TNFRSF14: variants seen among roughly 807,000 people sequenced by gnomAD.
TNFRSF14 encodes tumor necrosis factor receptor superfamily member 14.
TNFRSF14 carries 18 observed loss-of-function variants against 34.1 expected under a neutral mutation model. The ratio of observed to expected loss-of-function variants is 0.53; its 90% CI spans 0.36 to 0.78. The LOEUF (loss-of-function observed/expected upper bound fraction) is 0.78, where lower values mean the gene tolerates loss of function less well. Among genes scored for constraint, TNFRSF14 ranks in the 30% least tolerant of loss-of-function variants. TNFRSF14 has a pLI of 0.00. For missense variants in TNFRSF14, 352 were observed against 379.5 expected, an observed-to-expected ratio of 0.93 and a Z score of 0.60; for synonymous variants, 157 against 153.2, an observed-to-expected ratio of 1.02 and a Z score of -0.18.
chr1:2,560,578 C>A, intron 4 of TNFRSF14, 46 bp from the exon 5 acceptor site: 1 of 1,509,198 alleles, frequency 6.6e-7, no homozygotes, highest in Non-Finnish European at 9.1e-7. Flanking sequence ...CAGCCCCCTC[C>A]TGGCCTGGTG....
At chr1:2,560,558 C>T in intron 4 of TNFRSF14, 66 bp from the exon 5 acceptor site, 3 of 1,273,274 alleles carry the variant, frequency 2.4e-6, no homozygotes, top group East Asian at 2.3e-5. Context: ...GACAAGCAGT[C>T]CCTAGCCGCC....
intron 6 of TNFRSF14, chr1:2,562,349 C>G (rs921363954): frequency 9.1e-6 from 2 of 218,696 alleles, no homozygotes; most frequent in Non-Finnish European, 1.8e-5. Flanking sequence ...GCACAGCCCC[C>G]GGGGACGCAG....
intron 3 of TNFRSF14, chr1:2,559,566 G>T (rs1644273331): frequency 6.6e-7 from 1 of 1,525,738 alleles, no homozygotes; most frequent in South Asian, 1.2e-5. Context: ...CAGAAGGCTG[G>T]TTTCTCCCAT....
In TNFRSF14 at chr1:2,561,200, G is replaced by C; in HGVS notation, c.552-473G>C. ...GGGTCCCCCAGCGGAGCCTGGGATG[G>C]AGCAGGGATGGCTGCCCCAGGGAGG... On this transcript the variant is annotated intron_variant, in intron 5 of 7. Coordinates refer to ENST00000355716, the MANE Select transcript of TNFRSF14 (RefSeq NM_003820.4). This position sits in a 1 kb window ranked among gnomAD's most constrained non-coding sequence, Gnocchi z 6.0. 2.4e-6 allele frequency: 1 copy of C among 414,940 alleles called. No homozygotes were observed. Among genetic ancestry groups the C allele is most frequent in the Non-Finnish European group, 4.3e-6 (1 of 233,138 alleles). 25.7% of individuals were successfully genotyped at this position (414,940 alleles called of 1,614,324 possible).
chr1:2,557,801 G>C lies in TNFRSF14; in HGVS notation c.145G>C (p.Val49Leu). Residue 49 changes from valine (V) to leucine (L), a missense_variant, in exon 2 of 8, where the codon GTG becomes CTG. By Grantham distance (32) the Val-to-Leu change is conservative. Transcript: ENST00000355716. Reference protein sequence around the residue: ...LPSCKEDEYPVGSECCPKCSP... With the variant: ...LPSCKEDEYPLGSECCPKCSP... ...GTCCTGCAAGGAGGACGAGTACCCA[G>C]TGGGCTCCGAGTGCTGCCCCAAGTG... 2 of 1,611,572 alleles carry C rather than the reference G, an allele frequency of 1.2e-6. No individual in the cohort carries two copies. Among genetic ancestry groups the C allele is most frequent in the Non-Finnish European group, 1.7e-6 (2 of 1,178,982 alleles).
Position 2,561,230 on chromosome 1 carries a change from G to T in TNFRSF14, c.552-443G>T. 2.3e-6 allele frequency: 1 copy of T among 439,024 alleles called. No homozygotes were observed. The highest frequency in any genetic ancestry group is 4.0e-6 in the Non-Finnish European group (1 of 247,832). 27.2% of individuals were successfully genotyped at this position (439,024 alleles called of 1,614,324 possible). A position where few individuals can be genotyped will look rare whatever the true frequency, so the allele number is the denominator to read the frequency against. On this transcript the variant is annotated intron_variant, in intron 5 of 7. Transcript: ENST00000355716. The surrounding 1 kb of genome is among the most constrained non-coding windows in gnomAD (Gnocchi z 6.0). ...GGGATGGCTGCCCCAGGGAGGGGGC[G>T]GTGGGGCCTTCCATCCTGCTCTGCC...
chr1:2,557,910 C>T, intron 2 of TNFRSF14, 76 bp downstream of exon 2: 1 of 1,226,136 alleles, frequency 8.2e-7, no homozygotes, highest in East Asian at 2.6e-5. Flanking sequence ...CCCAGACACC[C>T]CTGTGTTCTC....
Position 2,556,598 on chromosome 1 carries a change from G to A in TNFRSF14, c.-67G>A, listed in dbSNP as rs747543452. The A allele has an allele frequency of 5.5e-6, 8 of 1,467,762 alleles. No homozygotes were observed. The highest frequency in any genetic ancestry group is 2.4e-5 in the East Asian group (1 of 42,420). The allele number at this position is 1,467,762 out of a possible 1,614,324, so 90.9% of individuals were successfully genotyped here. A position where few individuals can be genotyped will look rare whatever the true frequency, so the allele number is the denominator to read the frequency against. On this transcript the variant is annotated 5_prime_UTR_variant, in exon 1 of 8. Coordinates refer to ENST00000355716, the MANE Select transcript of TNFRSF14 (RefSeq NM_003820.4). ...TCTGGCCCACAGCCGCAGCAATGGC[G>A]CTGAGTTCCTCTGCTGGAGTTCATC...
Position 2,556,743 on chromosome 1 carries a change from C to G in TNFRSF14, c.69+10C>G, listed in dbSNP as rs756768654. ...CGACGTCTTGAGGCTGGTGAGCCCC[C>G]GAGCCTCCTCTCCGTCTGCTCGCAG... On this transcript the variant is annotated intron_variant, in intron 1 of 7. Transcript: ENST00000355716. 2 of 1,584,582 alleles carry G rather than the reference C, an allele frequency of 1.3e-6. No homozygotes were observed. Among genetic ancestry groups the G allele is most frequent in the South Asian group, 2.3e-5 (2 of 85,984 alleles).
At chr1:2,560,836 T>G in intron 5 of TNFRSF14, 122 bp downstream of exon 5, 1 of 834,614 alleles carries the variant, frequency 1.2e-6, no homozygotes, top group East Asian at 2.6e-5. Flanking sequence ...AGCGGCACCC[T>G]GGTCACATGC....
At chr1:2,559,053 C>T (rs1177150385) in intron 3 of TNFRSF14, 1 of 1,369,244 alleles carries the variant, frequency 7.3e-7, no homozygotes. Context: ...ATGCCAGGCT[C>T]AGCATGGCCA....
chr1:2,557,264 G>A (rs1167670240), intron 1 of TNFRSF14, among the ~76,000 whole-genome samples: 2 of 152,192 alleles, frequency 1.3e-5, no homozygotes, highest in East Asian at 1.9e-4. Flanking sequence ...ACGAGGCCAC[G>A]GCAGAGCCAC....
intron 3 of TNFRSF14, chr1:2,558,701 A>G: frequency 8.8e-7 from 1 of 1,129,982 alleles, no homozygotes; most frequent in Non-Finnish European, 1.2e-6. Context: ...GGCCATCCTG[A>G]GCTTGGCGAC....
chr1:2,560,057 T>C, intron 4 of TNFRSF14, 79 bp downstream of exon 4: 1 of 1,454,168 alleles, frequency 6.9e-7, no homozygotes. Flanking sequence ...CCAGGTTTCC[T>C]CGACGGCATG....
At chr1:2,562,934 C>T (rs770182016) in intron 7 of TNFRSF14, 38 bp downstream of exon 7, 2 of 1,584,074 alleles carry the variant, frequency 1.3e-6, no homozygotes, top group South Asian at 1.1e-5. Flanking sequence ...CCCCCTCCAC[C>T]TTCCCACCTC....
chr1:2,556,278 G>A (rs1304159328), upstream of TNFRSF14: 2 of 549,022 alleles, frequency 3.6e-6, no homozygotes, highest in Non-Finnish European at 6.9e-6. Flanking sequence ...AAACACAGAT[G>A]GACTTTGGGG....
In TNFRSF14 at chr1:2,563,351, A is replaced by G. The variant is rs1371248982; in HGVS notation, c.*78A>G. 6.3e-7 allele frequency: 1 copy of G among 1,580,210 alleles called. No homozygotes were observed. Among genetic ancestry groups the G allele is most frequent in the Non-Finnish European group, 8.6e-7 (1 of 1,160,892 alleles). On this transcript the variant is annotated 3_prime_UTR_variant, in exon 8 of 8. Transcript: ENST00000355716. ...AAGAGGCTGTCCACCTGGCGGAACC[A>G]CCGGAGCCCGGAGGCTTGGGGGCTC... is the stretch of plus-strand genomic sequence containing the variant.
chr1:2,563,051 C>T, intron 7 of TNFRSF14, 97 bp from the exon 8 acceptor site: 5 of 1,589,518 alleles, frequency 3.1e-6, no homozygotes, highest in Non-Finnish European at 4.3e-6. Flanking sequence ...AGGAAAGAAC[C>T]CACCCCCTCA....
chr1:2,563,107 G>A, intron 7 of TNFRSF14, 41 bp from the exon 8 acceptor site: 1 of 1,609,424 alleles, frequency 6.2e-7, no homozygotes. Flanking sequence ...GTCCCAGGGG[G>A]GCCTGAGCAG....
Sources: gnomAD v4.1 joint callset for allele counts (sites outside exome capture counted in the v4.1 genomes callset) on GRCh38, gnomAD v4.1.1 for gene constraint, Gnocchi (gnomAD v3.1) non-coding constraint, MANE v1.5 for transcripts, NCBI Gene and HGNC (gene_info 2026-07-23, HGNC 2026-07-21) for gene names.